UBE2D2: variants seen among roughly 807,000 people sequenced by gnomAD.
UBE2D2 encodes ubiquitin conjugating enzyme E2 D2.
In UBE2D2, 2 loss-of-function variants were observed where a neutral mutation model predicts 24.2. The ratio of observed to expected loss-of-function variants is 0.08; its 90% CI spans 0.03 to 0.26. UBE2D2 has a LOEUF of 0.26. Ranked by LOEUF, UBE2D2 falls within the 10% of genes least tolerant of loss-of-function variation. UBE2D2 has a pLI of 1.00. For missense variants in UBE2D2, 44 were observed against 177.6 expected, an observed-to-expected ratio of 0.25 and a Z score of 4.28; for synonymous variants, 58 against 56.5, an observed-to-expected ratio of 1.03 and a Z score of -0.12.
chr5:139,546,375 G>A (rs1482654594), intron 1 of UBE2D2, among the ~76,000 whole-genome samples: 1 of 151,178 alleles, frequency 6.6e-6, no homozygotes, highest in African/African-American at 2.4e-5. Context: ...AGTAGAGACA[G>A]AGTTTCACCA....
At chr5:139,566,313 C>T (rs1410263147) in intron 1 of UBE2D2, among the ~76,000 whole-genome samples, 1 of 151,986 alleles carries the variant, frequency 6.6e-6, no homozygotes, top group Non-Finnish European at 1.5e-5. Flanking sequence ...GCCACTGTGC[C>T]CGGCCTATGG....
intron 1 of UBE2D2, among the ~76,000 whole-genome samples, chr5:139,573,129 A>G (rs1301617808): frequency 2.0e-5 from 3 of 151,776 alleles, no homozygotes; most frequent in Admixed American, 6.6e-5. Context: ...GTGAAACCCC[A>G]TCTCCACTAA....
chr5:139,584,327 C>T (rs963115188), intron 1 of UBE2D2, among the ~76,000 whole-genome samples: 1 of 152,076 alleles, frequency 6.6e-6, no homozygotes, highest in Non-Finnish European at 1.5e-5. Context: ...CTAGGTTATA[C>T]CATCTCGGTT....
intron 1 of UBE2D2, among the ~76,000 whole-genome samples, chr5:139,572,434 A>G (rs1753369045): frequency 6.6e-6 from 1 of 152,136 alleles, no homozygotes; most frequent in Admixed American, 6.6e-5. Context: ...CCCTGTGTCT[A>G]CAAAAAATTA....
chr5:139,602,113 G>A (rs922997050), intron 2 of UBE2D2, among the ~76,000 whole-genome samples: 6 of 152,026 alleles, frequency 3.9e-5, no homozygotes, highest in African/African-American at 1.2e-4. Flanking sequence ...GTGCAGTGGC[G>A]TGACCTCGGC....
chr5:139,539,030 T>A (rs1752722406), intron 1 of UBE2D2, among the ~76,000 whole-genome samples: 2 of 151,998 alleles, frequency 1.3e-5, no homozygotes, highest in Non-Finnish European at 2.9e-5. Flanking sequence ...GAAAAGTCAA[T>A]CTCTTTTTTT....
At chr5:139,548,970 TC>T (rs749193306) in intron 1 of UBE2D2, among the ~76,000 whole-genome samples, 5 of 151,922 alleles carry the variant, frequency 3.3e-5, no homozygotes, top group Non-Finnish European at 7.4e-5. Flanking sequence ...TGCCTCAGCC[TC>T]CTGAGTAGCT....
At chr5:139,549,708 G>T (rs779534865) in intron 1 of UBE2D2, among the ~76,000 whole-genome samples, 1 of 152,214 alleles carries the variant, frequency 6.6e-6, no homozygotes, top group African/African-American at 2.4e-5. Context: ...CCCATCGACC[G>T]CCCAAGGGCT....
intron 1 of UBE2D2, among the ~76,000 whole-genome samples, chr5:139,564,449 C>T (rs765253322): frequency 6.7e-6 from 1 of 149,018 alleles, no homozygotes. Context: ...CTACCGTGCC[C>T]GGCCTGAACT....
In UBE2D2 at chr5:139,561,649, T is replaced by G. The variant is rs1753098113; in HGVS notation, c.-143T>G. 2 of 577,372 alleles carry G rather than the reference T, an allele frequency of 3.5e-6. No homozygotes were observed. The highest frequency in any genetic ancestry group is 5.6e-6 in the Non-Finnish European group (2 of 355,630). The allele number at this position is 577,372 out of a possible 1,614,324, so 35.8% of individuals were successfully genotyped here. ...TGAGTGGGCCCCGGCCCTCAGCCCG[T>G]CCCGCCGGACCCGCTTTCCTCAACT... On this transcript the variant is annotated 5_prime_UTR_variant, in exon 1 of 7. Coordinates refer to ENST00000398733, the MANE Select transcript of UBE2D2 (RefSeq NM_003339.3).
chr5:139,604,665 A>C (rs1304941660), intron 2 of UBE2D2, among the ~76,000 whole-genome samples: 5 of 152,062 alleles, frequency 3.3e-5, no homozygotes, highest in Non-Finnish European at 7.4e-5. Context: ...CTGGAGGATC[A>C]CTTGAGGCCA....
At chr5:139,537,649 C>T (rs946094146) in intron 1 of UBE2D2, among the ~76,000 whole-genome samples, 3 of 151,786 alleles carry the variant, frequency 2.0e-5, no homozygotes, top group South Asian at 2.1e-4. Context: ...CCACCATGCT[C>T]GGCCTGGAAG....
rs538549496 is a variant in UBE2D2, at chr5:139,527,535, G to A, written c.-64+923G>A. Reference sequence around the variant, plus strand: ...ACTTCTAATCTTGTGGCCTTAGACAGTCTAGTCAAAACACATAAAGAAAGT... The same window carrying A: ...ACTTCTAATCTTGTGGCCTTAGACAATCTAGTCAAAACACATAAAGAAAGT... On this transcript the variant is annotated intron_variant, in intron 1 of 6. Transcript: ENST00000511725. Among the ~76,000 whole-genome samples the A allele has an allele frequency of 5.3e-5, 8 of 152,244 alleles. No individual in the cohort carries two copies. In the South Asian group the frequency reaches 1.4e-3, roughly 28 times the overall value.
intron 1 of UBE2D2, among the ~76,000 whole-genome samples, chr5:139,583,407 A>T (rs919504594): frequency 2.0e-5 from 3 of 152,212 alleles, no homozygotes. Context: ...TAGCCATTCT[A>T]CAATGTATTC....
chr5:139,562,485 A>G, intron 1 of UBE2D2: 3 of 1,249,110 alleles, frequency 2.4e-6, no homozygotes, highest in Non-Finnish European at 2.1e-6. Flanking sequence ...TTAGAAACTA[A>G]CACTTCCGTT....
intron 1 of UBE2D2, among the ~76,000 whole-genome samples, chr5:139,597,997 G>C (rs1387857584): frequency 2.0e-5 from 3 of 152,290 alleles, no homozygotes; most frequent in African/African-American, 7.2e-5. Context: ...CACCTCCCGG[G>C]TTCACACCAT....
chr5:139,602,084 C>T (rs1290278182), intron 2 of UBE2D2, among the ~76,000 whole-genome samples: 1 of 152,110 alleles, frequency 6.6e-6, no homozygotes, highest in East Asian at 1.9e-4. Flanking sequence ...TGGAGTCTCA[C>T]TCTGTTGCCC....
chr5:139,561,971 G>A, intron 1 of UBE2D2, 156 bp downstream of exon 1: 1 of 1,059,428 alleles, frequency 9.4e-7, no homozygotes, highest in Non-Finnish European at 1.3e-6. Flanking sequence ...CAGTGATGGC[G>A]CCCGTGGAGG....
At position 139,561,652 on chromosome 5, in the gene UBE2D2, C is replaced by T. The variant is rs559187891; in HGVS notation, c.-140C>T. The T allele has an allele frequency of 1.2e-4, 70 of 597,884 alleles. No individual in the cohort carries two copies. The highest frequency in any genetic ancestry group is 1.0e-3 in the African/African-American group (52 of 50,888). 37.0% of individuals were successfully genotyped at this position (597,884 alleles called of 1,614,324 possible). A position where few individuals can be genotyped will look rare whatever the true frequency, so the allele number is the denominator to read the frequency against. ...GTGGGCCCCGGCCCTCAGCCCGTCC[C>T]GCCGGACCCGCTTTCCTCAACTCTC... On this transcript the variant is annotated 5_prime_UTR_variant, in exon 1 of 7. Transcript: ENST00000398733.
Sources: allele counts gnomAD v4.1 joint callset (sites outside exome capture counted in the v4.1 genomes callset), GRCh38; gene constraint gnomAD v4.1.1; transcripts MANE v1.5; gene names NCBI Gene and HGNC (gene_info 2026-07-23, HGNC 2026-07-21).